TCF12: variants seen among roughly 807,000 people sequenced by gnomAD.
The protein encoded by TCF12 is transcription factor 12, also known as DNA-binding protein HTF4.
A neutral mutation model predicts 86.0 loss-of-function variants in TCF12; 45 were observed. That is an observed-to-expected ratio of 0.52 (90% confidence interval 0.41 to 0.67). The LOEUF (loss-of-function observed/expected upper bound fraction) is 0.67. Ranked by LOEUF, TCF12 falls within the 30% of genes least tolerant of loss-of-function variation. TCF12 has a pLI of 0.00. For synonymous variants in TCF12, 330 were observed against 299.6 expected, an observed-to-expected ratio of 1.10 and a Z score of -1.05; for missense variants, 881 against 859.9, an observed-to-expected ratio of 1.02 and a Z score of -0.31.
chr15:57,248,161 A>G (rs1038553547), intron 13 of TCF12: 11 of 698,674 alleles, frequency 1.6e-5, no homozygotes, highest in Non-Finnish European at 1.8e-5. Flanking sequence ...TCTTAAACAG[A>G]TTTCCCCTTA....
intron 5 of TCF12, among the ~76,000 whole-genome samples, chr15:57,095,739 G>A (rs1332037518): frequency 1.3e-5 from 2 of 152,136 alleles, no homozygotes; most frequent in Non-Finnish European, 2.9e-5. Context: ...GTTAGGAGGT[G>A]TGGATTTTAA....
rs62024368 is a variant in TCF12 at position 57,123,748 on chromosome 15, G to A, written c.325+31857G>A. On this transcript the variant is annotated intron_variant, in intron 5 of 20. Coordinates refer to ENST00000333725, the MANE Select transcript of TCF12 (RefSeq NM_207037.2). ...GGGTGGATCACGAGGTCAGGAGATC[G>A]AGACCATCCTGGCTAACACAGTGAA... Among the ~76,000 whole-genome samples the A allele has an allele frequency of 2.6e-5, 4 of 151,796 alleles. No individual in the cohort carries two copies. In the South Asian group the frequency reaches 6.2e-4, roughly 24 times the overall value.
intron 4 of TCF12, among the ~76,000 whole-genome samples, chr15:57,064,661 G>A (rs533045661): frequency 1.3e-5 from 2 of 151,670 alleles, no homozygotes; most frequent in South Asian, 4.2e-4. Context: ...CAAGGCGTGG[G>A]GGTGGGCATC....
At chr15:57,055,473 A>T (rs961655933) in intron 3 of TCF12, among the ~76,000 whole-genome samples, 3 of 152,182 alleles carry the variant, frequency 2.0e-5, no homozygotes, top group African/African-American at 7.2e-5. Context: ...CCAAAGTTAT[A>T]CTGGTAATGA....
intron 3 of TCF12, among the ~76,000 whole-genome samples, chr15:56,939,432 C>G (rs191902523): frequency 3.7e-4 from 57 of 152,096 alleles, no homozygotes; most frequent in Non-Finnish European, 3.7e-4. Flanking sequence ...AGTCTGATGC[C>G]TGCTTTTGAT....
At chr15:57,182,065 C>G (rs2056388706) in intron 6 of TCF12, among the ~76,000 whole-genome samples, 1 of 152,122 alleles carries the variant, frequency 6.6e-6, no homozygotes, top group Admixed American at 6.5e-5. Context: ...AATAAGATAG[C>G]TCGGCACAAT....
intron 5 of TCF12, among the ~76,000 whole-genome samples, chr15:57,160,315 G>A (rs796327469): frequency 6.6e-5 from 10 of 152,274 alleles, no homozygotes; most frequent in African/African-American, 2.2e-4. Flanking sequence ...ATGGAAAAGT[G>A]CAGAGCAAAG....
chr15:57,248,918 G>C (rs1376296763), intron 13 of TCF12, among the ~76,000 whole-genome samples: 4 of 152,174 alleles, frequency 2.6e-5, no homozygotes, highest in Non-Finnish European at 4.4e-5. Context: ...TGCAAAAGCA[G>C]ATGCATGCTG....
intron 3 of TCF12, among the ~76,000 whole-genome samples, chr15:56,960,851 T>C (rs1432154701): frequency 6.6e-6 from 1 of 152,154 alleles, no homozygotes; most frequent in South Asian, 2.1e-4. Context: ...AAAAAATTAA[T>C]TTATTAGGCC....
intron 3 of TCF12, among the ~76,000 whole-genome samples, chr15:57,004,095 TAA>T (rs1395760226): frequency 2.6e-5 from 4 of 152,218 alleles, no homozygotes; most frequent in African/African-American, 4.8e-5. Context: ...ACTCTCACTT[TAA>T]GTTATGATAA....
At chr15:56,928,524 G>A (rs1478074534) in intron 3 of TCF12, among the ~76,000 whole-genome samples, 13 of 152,162 alleles carry the variant, frequency 8.5e-5, no homozygotes, top group African/African-American at 3.1e-4. Flanking sequence ...ACAAGTCAGA[G>A]TTGCTTTTAG....
intron 5 of TCF12, among the ~76,000 whole-genome samples, chr15:57,110,093 C>T (rs2050387981): frequency 6.6e-6 from 1 of 152,162 alleles, no homozygotes; most frequent in Non-Finnish European, 1.5e-5. Flanking sequence ...TGTAAAGATA[C>T]ACCTTTCTCA....
At chr15:57,266,210 T>C (rs1396704297) in intron 18 of TCF12, among the ~76,000 whole-genome samples, 3 of 152,080 alleles carry the variant, frequency 2.0e-5, no homozygotes, top group Non-Finnish European at 2.9e-5. Context: ...CCCAAGTAGC[T>C]GGGATTACAG....
intron 13 of TCF12, among the ~76,000 whole-genome samples, chr15:57,250,320 C>T (rs1164351909): frequency 1.3e-5 from 2 of 152,170 alleles, no homozygotes; most frequent in African/African-American, 4.8e-5. Context: ...ATCCTCAAAA[C>T]ATCCTTCCCC....
At chr15:57,216,680 C>CT (rs2151842820) in intron 8 of TCF12, among the ~76,000 whole-genome samples, 1 of 151,356 alleles carries the variant, frequency 6.6e-6, no homozygotes, top group East Asian at 1.9e-4. Context: ...AGAAATTGTG[C>CT]TACAGCTGTT....
In TCF12 at chr15:56,960,639, A is replaced by G. The variant is rs556142582; in HGVS notation, c.148+39541A>G. Among the ~76,000 whole-genome samples, 43 of 151,542 alleles carry G rather than the reference A, an allele frequency of 2.8e-4. 1 individual carries two copies. In the East Asian group the frequency reaches 7.7e-3, roughly 27 times the overall value. On this transcript the variant is annotated intron_variant, in intron 3 of 20. Transcript: ENST00000333725. ...GAGATGGGGTTTCACCATGTTGGCC[A>G]GGCTGGTCTCAAACTCCTGACCTCA... is the stretch of plus-strand genomic sequence containing the variant.
intron 6 of TCF12, among the ~76,000 whole-genome samples, chr15:57,182,246 A>G (rs1422989811): frequency 6.7e-6 from 1 of 148,694 alleles, no homozygotes; most frequent in Admixed American, 6.6e-5. Context: ...GAGAAGAAAA[A>G]TAAAATAGTT....
At chr15:57,270,360 GC>G (rs1187689582) in intron 18 of TCF12, among the ~76,000 whole-genome samples, 1 of 152,110 alleles carries the variant, frequency 6.6e-6, no homozygotes, top group African/African-American at 2.4e-5. Flanking sequence ...AGCTATTGAA[GC>G]TTGTGTATGC....
intron 5 of TCF12, among the ~76,000 whole-genome samples, chr15:57,152,701 C>T (rs188193179): frequency 6.6e-6 from 1 of 152,114 alleles, no homozygotes; most frequent in Non-Finnish European, 1.5e-5. Context: ...AGGACAGTAT[C>T]AGTCTAATAT....
Sources: gnomAD v4.1 joint callset for allele counts (sites outside exome capture counted in the v4.1 genomes callset) on GRCh38, gnomAD v4.1.1 for gene constraint, MANE v1.5 for transcripts, NCBI Gene and HGNC (gene_info 2026-07-23, HGNC 2026-07-21) for gene names.